ERVMER34-1: variants seen among roughly 807,000 people sequenced by gnomAD.
The protein encoded by ERVMER34-1 is endogenous retrovirus group MER34 member 1, envelope, also known as endogenous retroviral envelope protein HEMO.
For synonymous variants in ERVMER34-1, 199 were observed against 111.7 expected, an observed-to-expected ratio of 1.78 and a Z score of -4.93; for missense variants, 471 against 295.1, an observed-to-expected ratio of 1.60 and a Z score of -4.37.
chr4:52,750,788 C>G (rs1352049320), intron 2 of ERVMER34-1, 142 bp downstream of exon 2: 1 of 152,428 alleles, frequency 6.6e-6, no homozygotes, highest in Non-Finnish European at 1.5e-5. Context: ...GGCAGAAGAT[C>G]ATCGTGAGGG....
Position 52,743,611 on chromosome 4 carries a change from T to A in ERVMER34-1, c.*218A>T, listed in dbSNP as rs1716066333. The A allele has an allele frequency of 2.1e-6, 1 of 472,048 alleles. No homozygotes were observed. Among genetic ancestry groups the A allele is most frequent in the Non-Finnish European group, 3.7e-6 (1 of 271,978 alleles). The allele number at this position is 472,048 out of a possible 1,614,324, so 29.2% of individuals were successfully genotyped here. A position where few individuals can be genotyped will look rare whatever the true frequency, so the allele number is the denominator to read the frequency against. On this transcript the variant is annotated 3_prime_UTR_variant, in exon 3 of 3. Transcript: ENST00000443173. Reference sequence around the variant, plus strand: ...ACAGCAAGGGGTAAGGGTTTACAGATCAGCTTTATGGTGTGTGTCTTAAGG... The same window carrying A: ...ACAGCAAGGGGTAAGGGTTTACAGAACAGCTTTATGGTGTGTGTCTTAAGG...
At position 52,745,611 on chromosome 4, in the gene ERVMER34-1, A is replaced by G; in HGVS notation, c.-91T>C. ...GGTTTTGTTTAAATTTCTAAGTCAG[A>G]GAATTTTCCAGGTTGAGGAGGGAAG... On this transcript the variant is annotated 5_prime_UTR_variant, in exon 3 of 3. Coordinates refer to ENST00000443173, the MANE Select transcript of ERVMER34-1 (RefSeq NM_001242690.2). The G allele has an allele frequency of 1.6e-6, 1 of 628,742 alleles. No individual in the cohort carries two copies. Among genetic ancestry groups the G allele is most frequent in the Non-Finnish European group, 2.8e-6 (1 of 351,478 alleles). 38.9% of individuals were successfully genotyped at this position (628,742 alleles called of 1,614,324 possible). A position where few individuals can be genotyped will look rare whatever the true frequency, so the allele number is the denominator to read the frequency against.
At chr4:52,750,686 G>A (rs1560438590) in intron 2 of ERVMER34-1, 1 of 152,250 alleles carries the variant, frequency 6.6e-6, no homozygotes, top group Non-Finnish European at 1.5e-5. Flanking sequence ...AGAAGCTCAG[G>A]AAAAAATAAA....
At position 52,743,337 on chromosome 4, in the gene ERVMER34-1, T is replaced by C. The variant is rs542838220; in HGVS notation, c.*492A>G. On this transcript the variant is annotated 3_prime_UTR_variant, in exon 3 of 3. Coordinates refer to ENST00000443173, the MANE Select transcript of ERVMER34-1 (RefSeq NM_001242690.2). The stretch of plus-strand genomic sequence containing the variant: ...CCCAATATTTATTCTTTGAGACAAA[T>C]TTAAGGACATAGTTTTGTGTATGTG... 3.3e-5 allele frequency: 5 copies of C among 152,502 alleles called. No individual in the cohort carries two copies. In the South Asian group the frequency reaches 1.0e-3, roughly 32 times the overall value. 9.4% of individuals were successfully genotyped at this position (152,502 alleles called of 1,614,324 possible). A position where few individuals can be genotyped will look rare whatever the true frequency, so the allele number is the denominator to read the frequency against.
intron 2 of ERVMER34-1, among the ~76,000 whole-genome samples, chr4:52,749,875 C>T (rs1716242732): frequency 6.6e-6 from 1 of 152,122 alleles, no homozygotes; most frequent in South Asian, 2.1e-4. Flanking sequence ...TGAGCTTGTA[C>T]ACTGGTGAAA....
Position 52,743,740 on chromosome 4 carries a change from T to C in ERVMER34-1, c.*89A>G. On this transcript the variant is annotated 3_prime_UTR_variant, in exon 3 of 3. Transcript: ENST00000443173. ...TAAGAGGAACACTCAGAGGAGGGTT[T>C]TGGCAGCTGAATTCTCGGTAAGACC... is the stretch of plus-strand genomic sequence containing the variant. 1 of 1,245,660 alleles carries C rather than the reference T, an allele frequency of 8.0e-7. No homozygotes were observed. The highest frequency in any genetic ancestry group is 2.9e-5 in the Admixed American group (1 of 34,544). 77.2% of individuals were successfully genotyped at this position (1,245,660 alleles called of 1,614,324 possible).
At chr4:52,749,100 A>T (rs1289840713) in intron 2 of ERVMER34-1, among the ~76,000 whole-genome samples, 1 of 152,110 alleles carries the variant, frequency 6.6e-6, no homozygotes, top group East Asian at 1.9e-4. Flanking sequence ...TTCTAAGCTC[A>T]AGTGATCCTC....
In ERVMER34-1 at chr4:52,745,844, A is replaced by G. The variant is rs1262085664; in HGVS notation, c.-324T>C. ...CAAATTCAGGAATTTTATTTTGATG[A>G]CTATGTAGGTGGTTAGCAGTACTTC... On this transcript the variant is annotated 5_prime_UTR_variant, in exon 3 of 3. Transcript: ENST00000443173. 3.4e-6 allele frequency: 1 copy of G among 290,408 alleles called. No homozygotes were observed. Among genetic ancestry groups the G allele is most frequent in the Non-Finnish European group, 6.4e-6 (1 of 155,716 alleles). 18.0% of individuals were successfully genotyped at this position (290,408 alleles called of 1,614,324 possible).
rs577913755 is a variant in ERVMER34-1, at chr4:52,749,844, T to C, written c.-424+1086A>G. Among the ~76,000 whole-genome samples the C allele has an allele frequency of 3.9e-5, 6 of 152,150 alleles. No homozygotes were observed. The South Asian group carries it at 1.0e-3, about 26-fold the overall frequency. On this transcript the variant is annotated intron_variant, in intron 2 of 2. Coordinates refer to ENST00000443173, the MANE Select transcript of ERVMER34-1 (RefSeq NM_001242690.2). ...CTTATAAACAAAATTCTCAGAAAGA[T>C]AATAACCAGCTATGACATAGTGAGC...
rs1324364220 is a variant in ERVMER34-1 at position 52,744,008 on chromosome 4, C to T, written c.1513G>A (p.Val505Ile). ...CGAAAGACACGAACATAGATTAAAACAAAGATGAATAAGCAGAAAAGAACA... is the reference window on the plus strand; with the variant it reads ...CGAAAGACACGAACATAGATTAAAATAAAGATGAATAAGCAGAAAAGAACA... ...LIVLFCLFIFVLIYVRVFRKS... is the reference protein window; with the variant it reads ...LIVLFCLFIFILIYVRVFRKS... Residue 505 changes from valine to isoleucine, a missense_variant, in exon 3 of 3, where the codon GTT becomes ATT. Physicochemically the swap from Val to Ile is conservative, Grantham distance 29. Transcript: ENST00000443173. 2.5e-5 allele frequency: 18 copies of T among 718,952 alleles called. No homozygotes were observed. The highest frequency in any genetic ancestry group is 4.3e-5 in the Non-Finnish European group (17 of 398,656). 44.5% of individuals were successfully genotyped at this position (718,952 alleles called of 1,614,324 possible).
At chr4:52,751,234 G>C (rs1348179043) in intron 1 of ERVMER34-1, 109 bp downstream of exon 1, 1 of 152,418 alleles carries the variant, frequency 6.6e-6, no homozygotes, top group African/African-American at 2.4e-5. Flanking sequence ...TTCTGGCCGC[G>C]GGCAGCAGAG....
At chr4:52,746,377 T>G (rs764893572) in intron 2 of ERVMER34-1, among the ~76,000 whole-genome samples, 4 of 152,182 alleles carry the variant, frequency 2.6e-5, no homozygotes, top group Admixed American at 6.5e-5. Context: ...GAGTCCAGTT[T>G]ATTGACAGAT....
chr4:52,746,222 G>A (rs1716154772), intron 2 of ERVMER34-1, among the ~76,000 whole-genome samples: 1 of 152,096 alleles, frequency 6.6e-6, no homozygotes, highest in Non-Finnish European at 1.5e-5. Context: ...GTCGCACTTT[G>A]TTGCCCAGGC....
chr4:52,743,590 C>T lies in ERVMER34-1; in HGVS notation c.*239G>A. ...CTACAAAGAGTAGCTCTCTGAACAGCAAGGGGTAAGGGTTTACAGATCAGC... is the reference window on the plus strand; with the variant it reads ...CTACAAAGAGTAGCTCTCTGAACAGTAAGGGGTAAGGGTTTACAGATCAGC... On this transcript the variant is annotated 3_prime_UTR_variant, in exon 3 of 3. Coordinates refer to ENST00000443173, the MANE Select transcript of ERVMER34-1 (RefSeq NM_001242690.2). The T allele has an allele frequency of 4.7e-6, 2 of 421,082 alleles. No homozygotes were observed. Among genetic ancestry groups the T allele is most frequent in the Non-Finnish European group, 8.3e-6 (2 of 240,712 alleles). 26.1% of individuals were successfully genotyped at this position (421,082 alleles called of 1,614,324 possible). A position where few individuals can be genotyped will look rare whatever the true frequency, so the allele number is the denominator to read the frequency against.
chr4:52,747,603 C>A (rs953550487), intron 2 of ERVMER34-1, among the ~76,000 whole-genome samples: 2 of 152,182 alleles, frequency 1.3e-5, no homozygotes, highest in Admixed American at 1.3e-4. Context: ...AGGCCACAAG[C>A]GCATGACCAG....
chr4:52,750,530 CT>C (rs1716261131), intron 2 of ERVMER34-1, among the ~76,000 whole-genome samples: 1 of 152,142 alleles, frequency 6.6e-6, no homozygotes, highest in Non-Finnish European at 1.5e-5. Context: ...CTCCTCTTAT[CT>C]CTGACTCACG....
At chr4:52,746,874 C>T (rs1049417843) in intron 2 of ERVMER34-1, among the ~76,000 whole-genome samples, 4 of 152,142 alleles carry the variant, frequency 2.6e-5, no homozygotes, top group Admixed American at 2.6e-4. Context: ...ATCCTATTCA[C>T]ACATATGTAA....
rs1191217117 is a variant in ERVMER34-1 at position 52,744,362 on chromosome 4, C to T, written c.1159G>A (p.Ala387Thr). The T allele has an allele frequency of 1.4e-6, 1 of 704,024 alleles. No homozygotes were observed. 43.6% of individuals were successfully genotyped at this position (704,024 alleles called of 1,614,324 possible). Residue 387 changes from alanine (A) to threonine (T), a missense_variant, in exon 3 of 3, where the codon GCA (alanine) becomes ACA (threonine). Physicochemically the swap from Ala to Thr is moderately conservative, Grantham distance 58 (BLOSUM62 0). Transcript: ENST00000443173. ...PSLGTYDLEK[A>T]ILNISKAMEQ... ...ATTGCTTTGGAAATGTTTAGAATTG[C>T]CTTTTCTAAATCATAAGTTCCCAAA... is the stretch of plus-strand genomic sequence containing the variant.
intron 2 of ERVMER34-1, among the ~76,000 whole-genome samples, chr4:52,746,770 G>A (rs1716165238): frequency 6.6e-6 from 1 of 152,180 alleles, no homozygotes; most frequent in South Asian, 2.1e-4. Context: ...GTCTTGGTGA[G>A]ATTTACAAGT....
Sources: gnomAD v4.1 joint callset for allele counts (sites outside exome capture counted in the v4.1 genomes callset) on GRCh38, gnomAD v4.1.1 for gene constraint, MANE v1.5 for transcripts, NCBI Gene and HGNC (gene_info 2026-07-23, HGNC 2026-07-21) for gene names.